The following EPHA3 variants were observed in gnomAD, a reference collection of about 807,000 sequenced individuals.
The protein encoded by EPHA3 is ephrin type-A receptor 3.
EPHA3 carries 42 observed loss-of-function variants against 107.1 expected under a neutral mutation model. The ratio of observed to expected loss-of-function variants is 0.39; its 90% CI spans 0.31 to 0.51. The LOEUF (loss-of-function observed/expected upper bound fraction) is 0.51, where lower values mean the gene tolerates loss of function less well. Among genes scored for constraint, EPHA3 ranks in the 20% least tolerant of loss-of-function variants. EPHA3 has a pLI of 0.78. For missense variants in EPHA3, 1,183 were observed against 1,211.2 expected, an observed-to-expected ratio of 0.98 and a Z score of 0.35; for synonymous variants, 461 against 424.8, an observed-to-expected ratio of 1.09 and a Z score of -1.05.
At chr3:89,222,511 A>C (rs897129707) in intron 3 of EPHA3, among the ~76,000 whole-genome samples, 2 of 149,270 alleles carry the variant, frequency 1.3e-5, no homozygotes, top group African/African-American at 4.9e-5. Flanking sequence ...ATAAATATAT[A>C]TAAATATATG....
intron 15 of EPHA3, among the ~76,000 whole-genome samples, chr3:89,470,953 T>C (rs1217664991): frequency 6.6e-6 from 1 of 152,190 alleles, no homozygotes; most frequent in Non-Finnish European, 1.5e-5. Flanking sequence ...GCCTGCCACA[T>C]TGAGTGCACA....
At chr3:89,244,209 A>G (rs184581192) in intron 3 of EPHA3, among the ~76,000 whole-genome samples, 1 of 152,260 alleles carries the variant, frequency 6.6e-6, no homozygotes, top group Admixed American at 6.5e-5. Flanking sequence ...TTTTATGAAA[A>G]TCAAACAGAT....
intron 5 of EPHA3, among the ~76,000 whole-genome samples, chr3:89,347,781 T>A (rs1045272415): frequency 3.3e-5 from 5 of 150,654 alleles, no homozygotes; most frequent in African/African-American, 1.2e-4. Flanking sequence ...CATTTTGAAA[T>A]ACGTCCCATC....
chr3:89,160,945 A>G (rs1383007712), intron 2 of EPHA3, among the ~76,000 whole-genome samples: 1 of 152,106 alleles, frequency 6.6e-6, no homozygotes, highest in Non-Finnish European at 1.5e-5. Flanking sequence ...TATGTTGGTT[A>G]TGTGTGTAAA....
chr3:89,454,835 T>G (rs982390569), intron 15 of EPHA3, among the ~76,000 whole-genome samples: 1 of 151,970 alleles, frequency 6.6e-6, no homozygotes, highest in African/African-American at 2.4e-5. Context: ...CCTACAAATT[T>G]TTTTTTAAAT....
chr3:89,171,711 A>G (rs1424268323), intron 2 of EPHA3, among the ~76,000 whole-genome samples: 6 of 151,890 alleles, frequency 4.0e-5, no homozygotes, highest in South Asian at 4.2e-4. Flanking sequence ...AATCACGGGG[A>G]AAAAAAATAT....
intron 11 of EPHA3, among the ~76,000 whole-genome samples, chr3:89,419,617 G>A (rs2107527202): frequency 6.6e-6 from 1 of 151,288 alleles, no homozygotes; most frequent in East Asian, 2.0e-4. Context: ...AAAAATACTA[G>A]AAGCCACATA....
chr3:89,274,166 C>T (rs1705748681), intron 3 of EPHA3, among the ~76,000 whole-genome samples: 1 of 142,644 alleles, frequency 7.0e-6, no homozygotes, highest in South Asian at 2.2e-4. Flanking sequence ...TTTGCAAATA[C>T]AAAGTCCCCA....
intron 5 of EPHA3, among the ~76,000 whole-genome samples, chr3:89,387,176 G>T (rs1708638452): frequency 1.3e-5 from 2 of 152,108 alleles, no homozygotes. Flanking sequence ...GTCAGGGGTG[G>T]AATGACATGG....
At chr3:89,334,453 C>T (rs1369625982) in intron 3 of EPHA3, among the ~76,000 whole-genome samples, 3 of 152,158 alleles carry the variant, frequency 2.0e-5, no homozygotes, top group Non-Finnish European at 4.4e-5. Flanking sequence ...GTTACTAATC[C>T]TACAGATTTG....
At chr3:89,408,464 T>C (rs1709095841) in intron 9 of EPHA3, among the ~76,000 whole-genome samples, 1 of 152,076 alleles carries the variant, frequency 6.6e-6, no homozygotes, top group African/African-American at 2.4e-5. Flanking sequence ...ACTAGTCCTT[T>C]GCTAAACTCT....
chr3:89,266,485 T>G (rs1246451810), intron 3 of EPHA3, among the ~76,000 whole-genome samples: 1 of 152,154 alleles, frequency 6.6e-6, no homozygotes, highest in African/African-American at 2.4e-5. Context: ...AATTCAATTT[T>G]AGCATAACAC....
chr3:89,330,811 A>G (rs1707267868), intron 3 of EPHA3, among the ~76,000 whole-genome samples: 1 of 152,162 alleles, frequency 6.6e-6, no homozygotes, highest in Non-Finnish European at 1.5e-5. Flanking sequence ...CCTGGATTTA[A>G]AAAAGTGCTA....
intron 2 of EPHA3, among the ~76,000 whole-genome samples, chr3:89,205,589 G>A (rs1327773418): frequency 6.6e-6 from 1 of 152,122 alleles, no homozygotes; most frequent in African/African-American, 2.4e-5. Flanking sequence ...AAAGCTTAAA[G>A]TCAAAATCTG....
At chr3:89,473,768 C>A (rs1321082427) in intron 16 of EPHA3, among the ~76,000 whole-genome samples, 1 of 152,062 alleles carries the variant, frequency 6.6e-6, no homozygotes, top group Non-Finnish European at 1.5e-5. Context: ...CATTTATCTT[C>A]AAAAGAAGTA....
intron 2 of EPHA3, among the ~76,000 whole-genome samples, chr3:89,197,471 A>G (rs571130172): frequency 5.3e-4 from 80 of 152,162 alleles, no homozygotes; most frequent in African/African-American, 1.8e-3. Context: ...TTTTTATTAA[A>G]ATATAGAATA....
intron 11 of EPHA3, among the ~76,000 whole-genome samples, chr3:89,422,512 C>A (rs1274699149): frequency 6.6e-6 from 1 of 151,420 alleles, no homozygotes; most frequent in African/African-American, 2.4e-5. Context: ...ACAAATCAGA[C>A]AATTCACACA....
In EPHA3 at chr3:89,206,224, T is replaced by C. The variant is rs1482289696; in HGVS notation, c.154-3636T>C. Among the ~76,000 whole-genome samples the C allele has an allele frequency of 5.3e-5, 8 of 152,316 alleles. No homozygotes were observed. In the South Asian group the frequency reaches 1.2e-3, roughly 24 times the overall value. On this transcript the variant is annotated intron_variant, in intron 2 of 16. Coordinates refer to ENST00000336596, the MANE Select transcript of EPHA3 (RefSeq NM_005233.6). Reference sequence around the variant, plus strand: ...TTCTGTTTGCATTATCTTCTTGCAATGTACACCTCTGTTTTCAAGGACTTG... The same window carrying C: ...TTCTGTTTGCATTATCTTCTTGCAACGTACACCTCTGTTTTCAAGGACTTG...
chr3:89,449,431 G>A (rs888298020), intron 14 of EPHA3, 57 bp downstream of exon 14: 18 of 1,439,158 alleles, frequency 1.3e-5, no homozygotes, highest in Non-Finnish European at 1.7e-5. Flanking sequence ...AGCTGTGCAA[G>A]GAAGTGGAAC....
Sources: allele counts gnomAD v4.1 joint callset (sites outside exome capture counted in the v4.1 genomes callset), GRCh38; gene constraint gnomAD v4.1.1; transcripts MANE v1.5; gene names NCBI Gene and HGNC (gene_info 2026-07-23, HGNC 2026-07-21).